The following ACOXL variants were observed in gnomAD, a reference collection of about 807,000 sequenced individuals.
ACOXL encodes acyl-coenzyme A oxidase-like protein.
In ACOXL, 70 loss-of-function variants were observed where a neutral mutation model predicts 71.9. The ratio of observed to expected loss-of-function variants is 0.97; its 90% CI spans 0.80 to 1.19. The LOEUF (loss-of-function observed/expected upper bound fraction) is 1.19, where lower values mean the gene tolerates loss of function less well. ACOXL is among the 50% of genes most tolerant of loss of function. ACOXL has a pLI of 0.00. For synonymous variants in ACOXL, 253 were observed against 281.6 expected (o/e 0.90, Z 1.02); for missense variants, 703 against 736.3 (o/e 0.95, Z 0.52).
intron 9 of ACOXL, among the ~76,000 whole-genome samples, chr2:110,836,922 A>G (rs554843017): frequency 1.3e-5 from 2 of 152,236 alleles, no homozygotes; most frequent in African/African-American, 4.8e-5. Context: ...CTCCTCGCCA[A>G]ATCCTGTTGA....
chr2:110,846,025 T>A lies in ACOXL; in HGVS notation c.788+4620T>A, dbSNP rs188184073. Reference sequence around the variant, plus strand: ...GGGGCCATACTGTTTTCCTATCGATTACCATTTTCCTTGTCATGTTGACCC... The same window carrying A: ...GGGGCCATACTGTTTTCCTATCGATAACCATTTTCCTTGTCATGTTGACCC... On this transcript the variant is annotated intron_variant, in intron 10 of 17. Coordinates refer to ENST00000439055, the MANE Select transcript of ACOXL (RefSeq NM_001142807.4). 6.7e-4 allele frequency among the ~76,000 whole-genome samples: 102 copies of A among 152,144 alleles called. 1 individual carries two copies. In the East Asian group the frequency reaches 0.015, roughly 22 times the overall value.
At position 110,801,672 on chromosome 2, in the gene ACOXL, G is replaced by A; in HGVS notation, c.568G>A (p.Gly190Arg). The stretch of plus-strand genomic sequence containing the variant: ...GCCAGGTCTGCATGGTGTGGACAAT[G>A]GGATATTAATATTTGACAAGGTTCG... ...YKEGLHGVDN[G>R]ILIFDKVRIP... The change falls in exon 8 of 18, where the codon GGG becomes AGG. Residue 190 changes from glycine to arginine, a missense_variant. Coordinates refer to ENST00000439055, the MANE Select transcript of ACOXL (RefSeq NM_001142807.4). 2 of 1,614,150 alleles carry A rather than the reference G, an allele frequency of 1.2e-6. No homozygotes were observed. Among genetic ancestry groups the A allele is most frequent in the Non-Finnish European group, 1.7e-6 (2 of 1,179,994 alleles).
At chr2:111,041,736 A>T (rs1280043585) in intron 15 of ACOXL, among the ~76,000 whole-genome samples, 1 of 152,220 alleles carries the variant, frequency 6.6e-6, no homozygotes, top group African/African-American at 2.4e-5. Context: ...CCCCCTGCAC[A>T]CAGGGAGTCC....
At chr2:110,784,853 G>T in intron 3 of ACOXL, 38 bp downstream of exon 3, 1 of 1,552,038 alleles carries the variant, frequency 6.4e-7, no homozygotes, top group Non-Finnish European at 8.7e-7. Flanking sequence ...ATGAATGCAT[G>T]CTCGCTTTGC....
intron 3 of ACOXL, among the ~76,000 whole-genome samples, chr2:110,791,769 C>T (rs1275566568): frequency 6.6e-6 from 1 of 152,178 alleles, no homozygotes; most frequent in African/African-American, 2.4e-5. Context: ...AAGTTAATAC[C>T]AGGTTGTTCA....
At chr2:110,965,130 A>G (rs2061870893) in intron 12 of ACOXL, among the ~76,000 whole-genome samples, 1 of 152,168 alleles carries the variant, frequency 6.6e-6, no homozygotes, top group Non-Finnish European at 1.5e-5. Context: ...CTCCAGTTCC[A>G]TTCATGTAGC....
chr2:111,077,218 CAT>C (rs982016315), intron 16 of ACOXL, among the ~76,000 whole-genome samples: 1 of 152,172 alleles, frequency 6.6e-6, no homozygotes. Context: ...TATCTCTTTG[CAT>C]ATGTGTTTTT....
intron 10 of ACOXL, among the ~76,000 whole-genome samples, chr2:110,889,808 C>CA (rs1179335554): frequency 4.6e-5 from 7 of 152,256 alleles, no homozygotes; most frequent in African/African-American, 1.7e-4. Flanking sequence ...AACAGTCATG[C>CA]ATGTTTTTAT....
At chr2:110,780,957 G>C (rs773001889) in intron 2 of ACOXL, among the ~76,000 whole-genome samples, 26 of 152,090 alleles carry the variant, frequency 1.7e-4, no homozygotes, top group Non-Finnish European at 3.7e-4. Context: ...TTGAGCCCAG[G>C]AGTTTGAGGC....
At chr2:110,746,004 G>A (rs1678150386) in intron 1 of ACOXL, among the ~76,000 whole-genome samples, 1 of 152,134 alleles carries the variant, frequency 6.6e-6, no homozygotes, top group African/African-American at 2.4e-5. Flanking sequence ...GTTGCACTGA[G>A]TGTTGATAGT....
chr2:110,988,857 TTGTGTGTGTGTG>T (rs70958753), intron 13 of ACOXL, among the ~76,000 whole-genome samples: 27 of 143,486 alleles, frequency 1.9e-4, no homozygotes, highest in African/African-American at 6.4e-4. Context: ...CCTATTTTTA[TTGTGTGTGTGTG>T]TGTGTGTGTG....
At chr2:110,763,785 A>G (rs533508715) in intron 1 of ACOXL, among the ~76,000 whole-genome samples, 61 of 152,354 alleles carry the variant, frequency 4.0e-4, no homozygotes, top group African/African-American at 1.4e-3. Flanking sequence ...CAACAGACAC[A>G]TAGACACGTC....
At chr2:111,116,820 A>C (rs1223378784) in intron 17 of ACOXL, among the ~76,000 whole-genome samples, 2 of 151,946 alleles carry the variant, frequency 1.3e-5, no homozygotes, top group Non-Finnish European at 2.9e-5. Flanking sequence ...CTGAAAATAA[A>C]AAAAAAAATA....
chr2:110,989,964 C>G (rs1412715331), intron 13 of ACOXL, among the ~76,000 whole-genome samples: 1 of 151,954 alleles, frequency 6.6e-6, no homozygotes, highest in African/African-American at 2.4e-5. Flanking sequence ...TGCTTGAACC[C>G]AGGAAGCGGA....
chr2:111,072,661 G>A (rs937234347), intron 16 of ACOXL, among the ~76,000 whole-genome samples: 7 of 152,212 alleles, frequency 4.6e-5, no homozygotes, highest in African/African-American at 2.4e-5. Context: ...ACTTTGTTGT[G>A]AGGGAACTGC....
At chr2:110,944,829 T>C (rs2061036593) in intron 12 of ACOXL, among the ~76,000 whole-genome samples, 1 of 152,222 alleles carries the variant, frequency 6.6e-6, no homozygotes, top group African/African-American at 2.4e-5. Flanking sequence ...GTCTTTATGG[T>C]AGAATGATTT....
In ACOXL at chr2:110,963,611, C is replaced by T. The variant is rs1248838642; in HGVS notation, c.1060-23497C>T. The T allele has an allele frequency of 6.8e-6, 11 of 1,610,006 alleles. No homozygotes were observed. In the South Asian group the frequency reaches 8.8e-5, roughly 13 times the overall value. The stretch of plus-strand genomic sequence containing the variant: ...TGTGTGTGTGTGTGTGTGTTTTTCT[C>T]TTTCTGCAACAGGGTTACATGATGG... On this transcript the variant is annotated intron_variant, in intron 12 of 17. Transcript: ENST00000439055.
intron 12 of ACOXL, among the ~76,000 whole-genome samples, chr2:110,957,931 G>A (rs926360185): frequency 4.6e-5 from 7 of 151,668 alleles, no homozygotes; most frequent in Admixed American, 3.3e-4. Flanking sequence ...GGTGGCGGGC[G>A]ACTGTAATCC....
chr2:110,765,962 A>G (rs1181881711), intron 1 of ACOXL, among the ~76,000 whole-genome samples: 2 of 152,178 alleles, frequency 1.3e-5, no homozygotes, highest in Non-Finnish European at 1.5e-5. Context: ...TTTGGTTATC[A>G]TATTTTTCAG....
Sources: gnomAD v4.1 joint callset for allele counts (sites outside exome capture counted in the v4.1 genomes callset) on GRCh38, gnomAD v4.1.1 for gene constraint, MANE v1.5 for transcripts, NCBI Gene and HGNC (gene_info 2026-07-23, HGNC 2026-07-21) for gene names.